The following ZNF75A variants were observed in gnomAD, a reference collection of about 807,000 sequenced individuals.
ZNF75A encodes zinc finger protein 75A.
In ZNF75A, 36 loss-of-function variants were observed where a neutral mutation model predicts 46.3. The observed-to-expected ratio is 0.78, with a 90% CI of 0.60 to 1.03. The LOEUF is 1.03. Among genes scored for constraint, ZNF75A ranks in the 50% least tolerant of loss-of-function variants. The pLI is 0.00. For missense variants in ZNF75A, 595 were observed against 551.3 expected (o/e 1.08, Z -0.79); for synonymous variants, 234 against 189.9 (o/e 1.23, Z -1.91).
rs750434960 is a variant in ZNF75A, at chr16:3,317,457, C to G, written c.1202C>G (p.Pro401Arg). 1.1e-5 allele frequency: 17 copies of G among 1,613,926 alleles called. No individual in the cohort carries two copies. Among genetic ancestry groups the G allele is most frequent in the African/African-American group, 1.3e-5 (1 of 74,898 alleles). The stretch of plus-strand genomic sequence containing the variant: ...AAGAAAGATTGTGCAAGAGAGAAGC[C>G]TTTTAAATGTCAGGAATGTGGGAAA... ...RHKKDCAREK[P>R]FKCQECGKTF... Residue 401 changes from proline to arginine, a missense_variant, in exon 7 of 7, where the codon CCT becomes CGT. By Grantham distance (103) the Pro-to-Arg change is moderately radical (BLOSUM62 -2). Coordinates refer to ENST00000669516, the MANE Select transcript of ZNF75A (RefSeq NM_001302109.2).
intron 2 of ZNF75A, among the ~76,000 whole-genome samples, chr16:3,310,083 G>T (rs1397916854): frequency 2.6e-5 from 4 of 151,506 alleles, no homozygotes; most frequent in Non-Finnish European, 5.9e-5. Context: ...AACAGAGTGA[G>T]ACCTTGTCTC....
intron 1 of ZNF75A, chr16:3,307,887 G>C (rs1484282441): frequency 6.6e-6 from 1 of 152,092 alleles, no homozygotes; most frequent in African/African-American, 2.4e-5. Context: ...GGTCATAAAA[G>C]TTGTACTCCC....
At chr16:3,313,551 T>C (rs1160709490) in intron 5 of ZNF75A, among the ~76,000 whole-genome samples, 3 of 152,208 alleles carry the variant, frequency 2.0e-5, no homozygotes, top group Non-Finnish European at 2.9e-5. Context: ...TTTCTTAGCT[T>C]TACTTTGACA....
chr16:3,317,092 A>T, intron 6 of ZNF75A, 70 bp downstream of exon 6: 1 of 1,536,256 alleles, frequency 6.5e-7, no homozygotes, highest in Non-Finnish European at 8.8e-7. Flanking sequence ...ACATTTTAAG[A>T]TTTTGTTCCT....
intron 2 of ZNF75A, 92 bp downstream of exon 2, chr16:3,308,928 T>A: frequency 1.2e-6 from 1 of 828,876 alleles, no homozygotes; most frequent in Non-Finnish European, 1.5e-6. Context: ...TTAGATGGAT[T>A]AGGTAGGTCA....
At chr16:3,313,953 G>A (rs928147054) in intron 5 of ZNF75A, among the ~76,000 whole-genome samples, 3 of 151,868 alleles carry the variant, frequency 2.0e-5, no homozygotes, top group Non-Finnish European at 4.4e-5. Context: ...TTACCCTCTT[G>A]TTTCATTTTA....
downstream of ZNF75A, chr16:3,318,973 G>C: frequency 4.5e-6 from 2 of 439,574 alleles, no homozygotes; most frequent in Non-Finnish European, 6.0e-6. Context: ...TGATAAATTT[G>C]ATGGATTGCC....
chr16:3,317,301 A>G lies in ZNF75A; in HGVS notation c.1046A>G (p.Gln349Arg). Reference sequence around the variant, plus strand: ...AAAAAGGCCAAAGTAAAAGTTCCCCAGAAAACAGCAGGCAAAGAAAATCAT... The same window carrying G: ...AAAAAGGCCAAAGTAAAAGTTCCCCGGAAAACAGCAGGCAAAGAAAATCAT... ...ISKKAKVKVP[Q>R]KTAGKENHFD... The change falls in exon 7 of 7, where the codon CAG becomes CGG. Residue 349 changes from glutamine to arginine, a missense_variant. Coordinates refer to ENST00000669516, the MANE Select transcript of ZNF75A (RefSeq NM_001302109.2). 6.2e-7 allele frequency: 1 copy of G among 1,614,132 alleles called. No individual in the cohort carries two copies.
At chr16:3,321,424 A>T (rs1337881736), downstream of ZNF75A, among the ~76,000 whole-genome samples, 2 of 152,188 alleles carry the variant, frequency 1.3e-5, no homozygotes, top group African/African-American at 4.8e-5. Context: ...TGCTGGGACC[A>T]TCCCAGACCT....
chr16:3,321,517 C>A (rs545031200), downstream of ZNF75A, among the ~76,000 whole-genome samples: 9 of 152,308 alleles, frequency 5.9e-5, no homozygotes, highest in South Asian at 1.9e-3. Flanking sequence ...AGACAAGGGT[C>A]TCTGTTGCCC....
At position 3,318,315 on chromosome 16, in the gene ZNF75A, T is replaced by C. The variant is rs1200108216; in HGVS notation, c.*446T>C. The stretch of plus-strand genomic sequence containing the variant: ...CACGGTTTGCAAAGTTGGACATCAC[T>C]TGAGTTCCTTCTTAAACTTTTCGGC... On this transcript the variant is annotated 3_prime_UTR_variant, in exon 7 of 7. Coordinates refer to ENST00000669516, the MANE Select transcript of ZNF75A (RefSeq NM_001302109.2). 1.0e-6 allele frequency: 1 copy of C among 989,580 alleles called. No individual in the cohort carries two copies. The highest frequency in any genetic ancestry group is 1.2e-6 in the Non-Finnish European group (1 of 832,676). The allele number at this position is 989,580 out of a possible 1,614,324, so 61.3% of individuals were successfully genotyped here.
downstream of ZNF75A, among the ~76,000 whole-genome samples, chr16:3,319,159 G>A (rs1961428473): frequency 6.6e-6 from 1 of 151,974 alleles, no homozygotes; most frequent in Non-Finnish European, 1.5e-5. Context: ...TGTCACTCAG[G>A]CTGGAGTGCA....
downstream of ZNF75A, among the ~76,000 whole-genome samples, chr16:3,321,222 T>C (rs1160473450): frequency 6.6e-6 from 1 of 152,182 alleles, no homozygotes; most frequent in African/African-American, 2.4e-5. Context: ...TAGTACTAAA[T>C]GCACTAATTA....
At chr16:3,323,337 T>G (rs1018243632), downstream of ZNF75A, 10 of 1,109,644 alleles carry the variant, frequency 9.0e-6, no homozygotes, top group African/African-American at 3.0e-5. Context: ...CTGGAAATGC[T>G]TCACTGGGAG....
At chr16:3,314,775 A>G (rs1961073151) in intron 5 of ZNF75A, 5 of 985,446 alleles carry the variant, frequency 5.1e-6, no homozygotes, top group Non-Finnish European at 6.0e-6. Flanking sequence ...AAGTGGCCAT[A>G]TATTTTTCTC....
rs772889829 is a variant in ZNF75A at position 3,317,608 on chromosome 16, A to C, written c.1353A>C (p.Thr451=). 6.2e-7 allele frequency: 1 copy of C among 1,614,196 alleles called. No homozygotes were observed. Among genetic ancestry groups the C allele is most frequent in the South Asian group, 1.1e-5 (1 of 91,082 alleles). The part of the protein sequence containing the change: ...WSSDLNKHLT[T]HQGIKPYKCS... ...CAGATCTTAATAAGCACTTAACAAC[A>C]CACCAAGGAATAAAACCATATAAAT... The change falls in exon 7 of 7, where the codon ACA becomes ACC. Residue 451 remains threonine, a synonymous_variant. Transcript: ENST00000669516.
chr16:3,307,664 T>C (rs1386825857), intron 1 of ZNF75A: 3 of 150,964 alleles, frequency 2.0e-5, no homozygotes, highest in Non-Finnish European at 4.4e-5. Context: ...ACTGGTGTGC[T>C]CTACCATCCT....
Position 3,317,534 on chromosome 16 carries a change from G to A in ZNF75A, c.1279G>A (p.Glu427Lys), listed in dbSNP as rs931042139. The change falls in exon 7 of 7, where the codon GAG becomes AAG. Residue 427 changes from glutamate to lysine, a missense_variant. Glu to Lys is a moderately conservative substitution (Grantham distance 56). Transcript: ENST00000669516. ...LIKHQRIHTE[E>K]KPYKCQQCDK... ...TAAGCACCAAAGAATTCACACTGAA[G>A]AGAAACCCTATAAATGTCAACAGTG... The A allele has an allele frequency of 6.2e-7, 1 of 1,614,086 alleles. No individual in the cohort carries two copies. Among genetic ancestry groups the A allele is most frequent in the African/African-American group, 1.3e-5 (1 of 75,046 alleles).
At chr16:3,320,741 C>A (rs37842), downstream of ZNF75A, among the ~76,000 whole-genome samples, 152,302 of 152,322 alleles carry the variant, frequency 1, 76,141 homozygotes, top group Non-Finnish European at 1. Context: ...TCCTCATATG[C>A]ATGCAGGAGA....
Sources: allele counts gnomAD v4.1 joint callset (sites outside exome capture counted in the v4.1 genomes callset), GRCh38; gene constraint gnomAD v4.1.1; transcripts MANE v1.5; gene names NCBI Gene and HGNC (gene_info 2026-07-23, HGNC 2026-07-21).